Variants in MORC1 observed in about 807,000 individuals in gnomAD.
MORC1 encodes the protein MORC family CW-type zinc finger protein 1.
Under a neutral mutation model 134.9 loss-of-function variants are expected in MORC1, and 59 were observed. The ratio of observed to expected loss-of-function variants is 0.44; its 90% confidence interval spans 0.35 to 0.54. The LOEUF is 0.54. MORC1 is among the 20% of genes least tolerant of loss of function. The pLI is 0.00. For synonymous variants in MORC1, 395 were observed against 391.7 expected (o/e 1.01, Z -0.10); for missense variants, 947 against 1,134.5 (o/e 0.83, Z 2.37).
intron 8 of MORC1, among the ~76,000 whole-genome samples, chr3:109,084,357 C>A (rs1950578601): frequency 1.3e-5 from 2 of 151,928 alleles, no homozygotes. Flanking sequence ...CTATATGCCA[C>A]CAGCAAACAA....
rs367637538 is a variant in MORC1 at position 109,069,701 on chromosome 3, C to G, written c.746G>C (p.Trp249Ser). The change falls in exon 9 of 28, where the codon TGG (tryptophan) becomes TCG (serine). Residue 249 changes from tryptophan to serine, a missense_variant. Physicochemically the swap from Trp to Ser is radical, Grantham distance 177. Coordinates refer to ENST00000232603, the MANE Select transcript of MORC1 (RefSeq NM_014429.4). ...CTTGGCTTGAATGAATATTCTCATC[C>G]ATGGGTTAAAATACAGAACAGATGT... ...AYTSVLYFNP[W>S]MRIFIQAKRV... is the part of the protein sequence containing the mutation. The G allele has an allele frequency of 7.4e-6, 12 of 1,612,918 alleles. No individual in the cohort carries two copies. Among genetic ancestry groups the G allele is most frequent in the East Asian group, 6.7e-5 (3 of 44,818 alleles).
Position 109,004,905 on chromosome 3 carries a change from T to TA in MORC1, c.2014-18dup. 6.2e-7 allele frequency: 1 copy of TA among 1,604,222 alleles called. No homozygotes were observed. ...CTGACTTCTCTTTCAAAACAGAGAA[T>TA]ACAGAAAAAAAAATTAGAAATTGGG... On this transcript the variant is annotated splice_polypyrimidine_tract_variant and intron_variant, in intron 19 of 27. Transcript: ENST00000232603.
chr3:109,109,405 G>A (rs1417686372), intron 3 of MORC1, among the ~76,000 whole-genome samples: 1 of 152,108 alleles, frequency 6.6e-6, no homozygotes, highest in Admixed American at 6.5e-5. Context: ...TAATGAATCT[G>A]TGAACTAGCC....
chr3:109,056,954 C>A (rs1412939582), intron 13 of MORC1, among the ~76,000 whole-genome samples: 1 of 152,150 alleles, frequency 6.6e-6, no homozygotes, highest in Non-Finnish European at 1.5e-5. Flanking sequence ...CTGGCATGAA[C>A]TCATACATGT....
In MORC1 at chr3:109,035,431, T is replaced by C. The variant is rs780253921; in HGVS notation, c.1368A>G (p.Gly456=). The C allele has an allele frequency of 2.0e-6, 3 of 1,524,898 alleles. No homozygotes were observed. In the South Asian group the frequency reaches 3.7e-5, roughly 19 times the overall value. 94.5% of individuals were successfully genotyped at this position (1,524,898 alleles called of 1,614,324 possible). The change falls in exon 15 of 28, where the codon GGA becomes GGG. Residue 456 remains glycine (G), a synonymous_variant. Transcript: ENST00000232603. ...TCTCCACATCGATGTCATTCTGGTA[T>C]CCAAATTCATTGCAAAACAATGTTA... The part of the protein sequence containing the change: ...RNLTLFCNEF[G]YQNDIDVEKP...
chr3:108,967,050 A>T (rs3792354), intron 26 of MORC1, among the ~76,000 whole-genome samples: 1 of 152,208 alleles, frequency 6.6e-6, no homozygotes, highest in African/African-American at 2.4e-5. Context: ...TTAAATGCAC[A>T]CACCTTAAAT....
intron 14 of MORC1, among the ~76,000 whole-genome samples, chr3:109,041,992 T>A (rs1449311208): frequency 1.3e-5 from 2 of 150,822 alleles, no homozygotes; most frequent in African/African-American, 4.9e-5. Context: ...GAACTAGACA[T>A]CATCAAGTAA....
At chr3:109,076,787 T>C (rs944583638) in intron 8 of MORC1, among the ~76,000 whole-genome samples, 3 of 151,796 alleles carry the variant, frequency 2.0e-5, no homozygotes, top group Admixed American at 1.3e-4. Flanking sequence ...TGAGAACGCA[T>C]GGACACAGGG....
chr3:109,061,904 A>G (rs1950092881), intron 11 of MORC1, 84 bp downstream of exon 11: 28 of 1,185,188 alleles, frequency 2.4e-5, no homozygotes, highest in Non-Finnish European at 3.5e-5. Flanking sequence ...TTTAGGAAGT[A>G]GATGATAAGA....
intron 8 of MORC1, among the ~76,000 whole-genome samples, chr3:109,088,685 G>A (rs1419755612): frequency 1.3e-5 from 2 of 152,022 alleles, no homozygotes; most frequent in Non-Finnish European, 2.9e-5. Context: ...TAGAACTACC[G>A]TTCAACCCAG....
At chr3:109,056,491 C>T (rs977733922) in intron 13 of MORC1, among the ~76,000 whole-genome samples, 1 of 152,102 alleles carries the variant, frequency 6.6e-6, no homozygotes. Context: ...GCTCCCAAAG[C>T]GCTGGGATTA....
At chr3:109,020,866 T>C (rs1164700458) in intron 17 of MORC1, among the ~76,000 whole-genome samples, 4 of 151,480 alleles carry the variant, frequency 2.6e-5, no homozygotes, top group Non-Finnish European at 5.9e-5. Context: ...GTGACAAGGA[T>C]TGAATGAGGT....
intron 2 of MORC1, among the ~76,000 whole-genome samples, chr3:109,111,063 A>C (rs548549712): frequency 0.05 from 7,438 of 148,828 alleles, 580 homozygotes; most frequent in African/African-American, 0.17. Context: ...AAAAAAAAAA[A>C]AAAAACAAAA....
At chr3:109,031,140 G>A (rs570420119) in intron 16 of MORC1, among the ~76,000 whole-genome samples, 2 of 152,172 alleles carry the variant, frequency 1.3e-5, no homozygotes, top group African/African-American at 4.8e-5. Flanking sequence ...GCAGACGACA[G>A]CTTCCCAGTT....
At chr3:109,015,291 G>C (rs2107562784) in intron 17 of MORC1, among the ~76,000 whole-genome samples, 1 of 152,298 alleles carries the variant, frequency 6.6e-6, no homozygotes, top group Middle Eastern at 3.4e-3. Context: ...AACACAGCAA[G>C]AGATAGGGGA....
At chr3:109,069,156 AAAC>A (rs1186417055) in intron 9 of MORC1, among the ~76,000 whole-genome samples, 5 of 152,208 alleles carry the variant, frequency 3.3e-5, no homozygotes, top group Non-Finnish European at 5.9e-5. Flanking sequence ...CTCTGTCTCA[AAAC>A]AACAACAACA....
At chr3:109,056,078 G>A (rs1949954216) in intron 13 of MORC1, among the ~76,000 whole-genome samples, 1 of 152,144 alleles carries the variant, frequency 6.6e-6, no homozygotes, top group Non-Finnish European at 1.5e-5. Context: ...TAGGAGGTCT[G>A]AGAAACAGGA....
chr3:109,027,687 G>T, intron 17 of MORC1, 64 bp downstream of exon 17: 2 of 1,585,042 alleles, frequency 1.3e-6, no homozygotes, highest in South Asian at 2.2e-5. Context: ...TAGTCAATTT[G>T]CACATATGAA....
chr3:109,065,250 C>T (rs1242090062), intron 9 of MORC1, among the ~76,000 whole-genome samples: 5 of 146,582 alleles, frequency 3.4e-5, no homozygotes, highest in Admixed American at 2.7e-4. Flanking sequence ...TCATTCCATT[C>T]TCAATACAGC....
Sources: gnomAD v4.1 joint callset for allele counts (sites outside exome capture counted in the v4.1 genomes callset) on GRCh38, gnomAD v4.1.1 for gene constraint, MANE v1.5 for transcripts, NCBI Gene and HGNC (gene_info 2026-07-23, HGNC 2026-07-21) for gene names.